Variants in IL5RA observed in about 807,000 individuals in gnomAD.
IL5RA encodes interleukin-5 receptor subunit alpha.
A neutral mutation model predicts 50.0 loss-of-function variants in IL5RA; 49 were observed. That is an observed-to-expected ratio of 0.98 (90% CI 0.78 to 1.24). IL5RA has a LOEUF of 1.24. Among genes scored for constraint, IL5RA ranks in the 50% most tolerant of loss-of-function variants. The pLI, the probability that IL5RA is intolerant of heterozygous loss-of-function variation, is 0.00. For synonymous variants in IL5RA, 202 were observed against 174.0 expected, an observed-to-expected ratio of 1.16 and a Z score of -1.26; for missense variants, 600 against 500.4, an observed-to-expected ratio of 1.20 and a Z score of -1.90.
intron 5 of IL5RA, among the ~76,000 whole-genome samples, chr3:3,099,208 T>C (rs1158100093): frequency 6.6e-6 from 1 of 152,184 alleles, no homozygotes; most frequent in Admixed American, 6.5e-5. Context: ...GAAGAAAACC[T>C]TGAATTGGCC....
intron 10 of IL5RA, among the ~76,000 whole-genome samples, chr3:3,075,756 A>G (rs1414633832): frequency 6.6e-6 from 1 of 151,672 alleles, no homozygotes; most frequent in Non-Finnish European, 1.5e-5. Context: ...ACGTACCACC[A>G]CGCCCAGCTA....
chr3:3,109,825 C>T (rs1044662314), intron 1 of IL5RA, 120 bp downstream of exon 1: 5 of 152,132 alleles, frequency 3.3e-5, no homozygotes, highest in Non-Finnish European at 5.9e-5. Context: ...CTCCTCCCCA[C>T]CCTGGGTGTA....
intron 10 of IL5RA, among the ~76,000 whole-genome samples, chr3:3,075,868 G>A (rs1043018911): frequency 1.8e-4 from 28 of 152,124 alleles, no homozygotes; most frequent in African/African-American, 6.0e-4. Flanking sequence ...CCAAAGTGCT[G>A]GGATTACAGG....
Position 3,067,760 on chromosome 3 carries a change from C to T in IL5RA, c.*2465G>A, listed in dbSNP as rs340831. ...AACACATATACCAAGGGCCAGATAACGGTACCAGCTCAGGGAAGTGTGGCA... is the reference window on the plus strand; with the variant it reads ...AACACATATACCAAGGGCCAGATAATGGTACCAGCTCAGGGAAGTGTGGCA... On this transcript the variant is annotated 3_prime_UTR_variant, in exon 12 of 12. Coordinates refer to ENST00000446632, the MANE Select transcript of IL5RA (RefSeq NM_175726.4). The T allele has an allele frequency of 0.73, 110,921 of 152,232 alleles. 41,335 individuals carry two copies. Among genetic ancestry groups the T allele is most frequent in the African/African-American group, 0.88 (36,570 of 41,536 alleles). 9.4% of individuals were successfully genotyped at this position (152,232 alleles called of 1,614,324 possible).
chr3:3,083,667 G>A (rs1559865266), intron 9 of IL5RA, among the ~76,000 whole-genome samples: 1 of 152,278 alleles, frequency 6.6e-6, no homozygotes, highest in East Asian at 1.9e-4. Context: ...GGGGTTGCTG[G>A]GCCTATTTTA....
At chr3:3,074,909 C>T (rs1702424651) in intron 10 of IL5RA, 43 bp from the exon 11 acceptor site, 1 of 1,169,688 alleles carries the variant, frequency 8.5e-7, no homozygotes, top group Non-Finnish European at 1.3e-6. Context: ...CATGAGTATA[C>T]CTTTTGTCTC....
At chr3:3,081,987 A>C (rs1193000397) in intron 9 of IL5RA, among the ~76,000 whole-genome samples, 1 of 152,148 alleles carries the variant, frequency 6.6e-6, no homozygotes, top group Non-Finnish European at 1.5e-5. Flanking sequence ...TGGCAGGAAA[A>C]TTTTGTGCAA....
rs1214575696 is a variant in IL5RA, at chr3:3,074,798, A to G, written c.1160T>C (p.Val387Ala). The G allele has an allele frequency of 1.2e-6, 2 of 1,602,234 alleles. No individual in the cohort carries two copies. The highest frequency in any genetic ancestry group is 2.2e-5 in the East Asian group (1 of 44,854). ...APKSNIKDLFVTTNYEKAGSS... is the reference protein window; with the variant it reads ...APKSNIKDLFATTNYEKAGSS... ...CAACATTACCTCATAGTTAGTGGTTACAAAGAGATCTTTGATATTACTTTT... is the reference window on the plus strand; with the variant it reads ...CAACATTACCTCATAGTTAGTGGTTGCAAAGAGATCTTTGATATTACTTTT... The change falls in exon 11 of 12, where the codon GTA becomes GCA. Residue 387 changes from valine to alanine, a missense_variant. Val to Ala is a moderately conservative substitution (Grantham distance 64). Coordinates refer to ENST00000446632, the MANE Select transcript of IL5RA (RefSeq NM_175726.4).
chr3:3,095,284 A>G lies in IL5RA; in HGVS notation c.855+15T>C, dbSNP rs2125976656. On this transcript the variant is annotated intron_variant, in intron 8 of 11. Coordinates refer to ENST00000446632, the MANE Select transcript of IL5RA (RefSeq NM_175726.4). Reference sequence around the variant, plus strand: ...AATGTCTGTTATCAAATATTGGAATAATCTGAGTAATTACCTGCAAATATC... The same window carrying G: ...AATGTCTGTTATCAAATATTGGAATGATCTGAGTAATTACCTGCAAATATC... 1 of 1,551,014 alleles carries G rather than the reference A, an allele frequency of 6.4e-7. No individual in the cohort carries two copies. The highest frequency in any genetic ancestry group is 8.8e-7 in the Non-Finnish European group (1 of 1,134,758).
chr3:3,093,534 A>G (rs1703226319), intron 8 of IL5RA, among the ~76,000 whole-genome samples: 1 of 152,240 alleles, frequency 6.6e-6, no homozygotes, highest in Non-Finnish European at 1.5e-5. Context: ...TAGATTAGAC[A>G]TTATAAAAAC....
intron 10 of IL5RA, among the ~76,000 whole-genome samples, chr3:3,075,307 A>G (rs1433123673): frequency 6.7e-6 from 1 of 148,428 alleles, no homozygotes; most frequent in Non-Finnish European, 1.5e-5. Flanking sequence ...GGCTCAAGCA[A>G]TTCTCCTGCC....
chr3:3,091,607 C>T (rs1429557636), intron 9 of IL5RA, among the ~76,000 whole-genome samples: 1 of 152,138 alleles, frequency 6.6e-6, no homozygotes, highest in Admixed American at 6.5e-5. Flanking sequence ...TGGCATGTGC[C>T]TGCAGTCCCA....
At chr3:3,094,602 C>G (rs893384530) in intron 8 of IL5RA, among the ~76,000 whole-genome samples, 1 of 151,988 alleles carries the variant, frequency 6.6e-6, no homozygotes, top group African/African-American at 2.4e-5. Context: ...TCCTTGCTTT[C>G]GATTCTTTTG....
At position 3,068,614 on chromosome 3, in the gene IL5RA, A is replaced by AAAAAAAAAAAAAAAAAAAAAG. The variant is rs1559856794; in HGVS notation, c.*1610_*1611insCTTTTTTTTTTTTTTTTTTTT. On this transcript the variant is annotated 3_prime_UTR_variant, in exon 12 of 12. Transcript: ENST00000446632. ...AAAAAAAAAAAAAAAAAAAACAAAA[A>AAAAAAAAAAAAAAAAAAAAAG]CAGGTTTGAGATTATGAATCATTTG... 1 of 135,618 alleles carries AAAAAAAAAAAAAAAAAAAAAG rather than the reference A, an allele frequency of 7.4e-6. No individual in the cohort carries two copies. The highest frequency in any genetic ancestry group is 2.7e-5 in the African/African-American group (1 of 37,014). The allele number at this position is 135,618 out of a possible 1,614,324, so 8.4% of individuals were successfully genotyped here. A position where few individuals can be genotyped will look rare whatever the true frequency, so the allele number is the denominator to read the frequency against.
At chr3:3,081,667 C>A (rs767445545) in intron 9 of IL5RA, among the ~76,000 whole-genome samples, 1 of 152,180 alleles carries the variant, frequency 6.6e-6, no homozygotes, top group Non-Finnish European at 1.5e-5. Context: ...TCAGTTAAAC[C>A]ACTCTCAAGT....
At chr3:3,085,525 G>A (rs1192145085) in intron 9 of IL5RA, among the ~76,000 whole-genome samples, 1 of 152,222 alleles carries the variant, frequency 6.6e-6, no homozygotes, top group Non-Finnish European at 1.5e-5. Context: ...AAGGAATCAG[G>A]TTGGAGCTGC....
intron 9 of IL5RA, among the ~76,000 whole-genome samples, chr3:3,081,552 C>T (rs909221674): frequency 2.0e-5 from 3 of 152,232 alleles, no homozygotes; most frequent in African/African-American, 7.2e-5. Flanking sequence ...CAGGGTCACA[C>T]TGTCAGTCAC....
rs200968686 is a variant in IL5RA, at chr3:3,095,458, C to G, written c.710-14G>C. On this transcript the variant is annotated splice_polypyrimidine_tract_variant and intron_variant, in intron 7 of 11. Transcript: ENST00000446632. ...GATTTATTTGATCTAAGTTAGGGAACGAAAGATCAGTGATTTTTTTTTTAG... is the reference window on the plus strand; with the variant it reads ...GATTTATTTGATCTAAGTTAGGGAAGGAAAGATCAGTGATTTTTTTTTTAG... 1 of 1,564,118 alleles carries G rather than the reference C, an allele frequency of 6.4e-7. No individual in the cohort carries two copies. The highest frequency in any genetic ancestry group is 8.6e-7 in the Non-Finnish European group (1 of 1,161,750).
rs1702170269 is a variant in IL5RA, at chr3:3,067,749, G to A, written c.*2476C>T. On this transcript the variant is annotated 3_prime_UTR_variant, in exon 12 of 12. Transcript: ENST00000446632. ...GTTGCTCCTGAAACACATATACCAA[G>A]GGCCAGATAACGGTACCAGCTCAGG... 6.6e-6 allele frequency: 1 copy of A among 152,322 alleles called. No individual in the cohort carries two copies. 9.4% of individuals were successfully genotyped at this position (152,322 alleles called of 1,614,324 possible).
Sources: gnomAD v4.1 joint callset for allele counts (sites outside exome capture counted in the v4.1 genomes callset) on GRCh38, gnomAD v4.1.1 for gene constraint, MANE v1.5 for transcripts, NCBI Gene and HGNC (gene_info 2026-07-23, HGNC 2026-07-21) for gene names.